The following CCDC7 variants were observed in gnomAD, a reference collection of about 807,000 sequenced individuals.
CCDC7 encodes coiled-coil domain containing 7, also known as coiled-coil domain-containing protein 7.
A neutral mutation model predicts 196.9 loss-of-function variants in CCDC7; 183 were observed. The observed-to-expected ratio is 0.93, with a 90% CI of 0.82 to 1.05. CCDC7 has a LOEUF of 1.05. Ranked by LOEUF, CCDC7 falls within the 50% of genes least tolerant of loss-of-function variation. The pLI is 0.00. For missense variants in CCDC7, 1,540 were observed against 1,482.2 expected, an observed-to-expected ratio of 1.04 and a Z score of -0.64; for synonymous variants, 525 against 484.6, an observed-to-expected ratio of 1.08 and a Z score of -1.10.
intron 18 of CCDC7, among the ~76,000 whole-genome samples, chr10:32,595,657 G>C (rs1353191388): frequency 3.3e-5 from 5 of 152,054 alleles, no homozygotes; most frequent in African/African-American, 1.2e-4. Flanking sequence ...TTAGATCTCT[G>C]CTGCTTTCTC....
At chr10:32,686,136 G>A in intron 22 of CCDC7, 56 bp downstream of exon 23, 2 of 879,460 alleles carry the variant, frequency 2.3e-6, no homozygotes, top group South Asian at 4.2e-5. Flanking sequence ...CACAGCAAAG[G>A]TATTTTTCTT....
chr10:32,661,922 C>T (rs12251853), intron 20 of CCDC7, among the ~76,000 whole-genome samples: 17,288 of 152,084 alleles, frequency 0.11, 1,175 homozygotes, highest in South Asian at 0.27. Flanking sequence ...GCTCTGAATC[C>T]GGCTCAGCAC....
exon 1 of CCDC7, chr10:32,451,743 A>C (rs1332996546): frequency 1.2e-6 from 2 of 1,614,098 alleles, no homozygotes; most frequent in African/African-American, 2.7e-5. Flanking sequence ...TTATCACCTG[A>C]GCTAAAGGAA....
At chr10:32,619,064 T>A (rs1023037170) in intron 18 of CCDC7, among the ~76,000 whole-genome samples, 2 of 151,918 alleles carry the variant, frequency 1.3e-5, no homozygotes, top group Admixed American at 6.6e-5. Flanking sequence ...TTTCCTTCAA[T>A]GATTTTTTTT....
At chr10:32,863,368 G>T (rs1264809085) in intron 41 of CCDC7, among the ~76,000 whole-genome samples, 2 of 151,854 alleles carry the variant, frequency 1.3e-5, no homozygotes, top group African/African-American at 4.8e-5. Flanking sequence ...TTTTTTTGTT[G>T]TTGAGACAGA....
rs553312978 is a variant in CCDC7 at position 32,602,228 on chromosome 10, C to G, written c.1801+17924C>G. On this transcript the variant is annotated intron_variant, in intron 18 of 41. Coordinates refer to ENST00000639629, the Ensembl canonical transcript of CCDC7. ...TGTTAACACTCACTGCGAAGGTCTGCGGCTTCACTCCTGAAGTTAGCAAGA... is the reference window on the plus strand; with the variant it reads ...TGTTAACACTCACTGCGAAGGTCTGGGGCTTCACTCCTGAAGTTAGCAAGA... Among the ~76,000 whole-genome samples the G allele has an allele frequency of 5.3e-5, 8 of 151,930 alleles. No homozygotes were observed. The East Asian group carries it at 9.7e-4, about 18-fold the overall frequency.
chr10:32,754,324 A>T (rs924488427), intron 28 of CCDC7, among the ~76,000 whole-genome samples: 1 of 152,170 alleles, frequency 6.6e-6, no homozygotes, highest in African/African-American at 2.4e-5. Context: ...AATAACTGAT[A>T]AATAAACACT....
intron 28 of CCDC7, among the ~76,000 whole-genome samples, chr10:32,739,272 G>A (rs998110530): frequency 1.5e-4 from 22 of 151,192 alleles, no homozygotes; most frequent in Admixed American, 5.3e-4. Context: ...CATTATGTAC[G>A]TATTATACCT....
intron 30 of CCDC7, among the ~76,000 whole-genome samples, chr10:32,806,396 G>C (rs971894779): frequency 6.6e-6 from 1 of 152,132 alleles, no homozygotes; most frequent in Non-Finnish European, 1.5e-5. Flanking sequence ...AACAGCTTAT[G>C]AGAATCCTAG....
intron 13 of CCDC7, among the ~76,000 whole-genome samples, chr10:32,561,796 A>G (rs1417967451): frequency 6.6e-6 from 1 of 152,234 alleles, no homozygotes; most frequent in Non-Finnish European, 1.5e-5. Flanking sequence ...GAAATAAGTA[A>G]AATCAGAGCA....
chr10:32,704,375 G>C (rs558437416), intron 24 of CCDC7, among the ~76,000 whole-genome samples: 1 of 152,216 alleles, frequency 6.6e-6, no homozygotes, highest in Admixed American at 6.5e-5. Context: ...TGGAAGTTTT[G>C]TCTTAGAGGA....
chr10:32,803,520 TAA>T (rs142811648), intron 29 of CCDC7, among the ~76,000 whole-genome samples: 2,926 of 152,280 alleles, frequency 0.019, 94 homozygotes, highest in African/African-American at 0.066. Context: ...TTTTAAAATT[TAA>T]AGTCTATTTG....
intron 8 of CCDC7, chr10:32,481,839 ACTCT>A (rs891278188): frequency 6.6e-6 from 1 of 151,294 alleles, no homozygotes; most frequent in Non-Finnish European, 1.5e-5. Flanking sequence ...ATATCTTCTT[ACTCT>A]CTCTTAGACT....
chr10:32,683,430 A>G (rs907447186), intron 21 of CCDC7, among the ~76,000 whole-genome samples: 1 of 152,078 alleles, frequency 6.6e-6, no homozygotes, highest in Non-Finnish European at 1.5e-5. Flanking sequence ...GTAGTGTGCT[A>G]TCTTGGGCTT....
chr10:32,626,366 T>C (rs1483787910), intron 18 of CCDC7, among the ~76,000 whole-genome samples: 1 of 152,066 alleles, frequency 6.6e-6, no homozygotes, highest in Admixed American at 6.6e-5. Context: ...GTGTCTTCTT[T>C]TGAAAAATGT....
At chr10:32,678,859 G>C (rs1565105631) in intron 21 of CCDC7, among the ~76,000 whole-genome samples, 1 of 152,100 alleles carries the variant, frequency 6.6e-6, no homozygotes, top group African/African-American at 2.4e-5. Context: ...CTGTGCTGTA[G>C]CCTCTCATTT....
intron 9 of CCDC7, chr10:32,512,315 A>T (rs1169182772): frequency 6.6e-6 from 1 of 152,358 alleles, no homozygotes; most frequent in African/African-American, 2.4e-5. Context: ...GAATTCCTTC[A>T]TGACATTTTT....
At chr10:32,753,516 G>A (rs1368871008) in intron 28 of CCDC7, among the ~76,000 whole-genome samples, 2 of 152,044 alleles carry the variant, frequency 1.3e-5, no homozygotes, top group Non-Finnish European at 2.9e-5. Context: ...TGGAGTAACT[G>A]CCTAAAGTCA....
intron 23 of CCDC7, among the ~76,000 whole-genome samples, chr10:32,689,976 C>G (rs893748689): frequency 6.6e-6 from 1 of 152,194 alleles, no homozygotes; most frequent in Non-Finnish European, 1.5e-5. Flanking sequence ...CTCAAATGAT[C>G]CACCCGCCTC....
Sources: allele counts gnomAD v4.1 joint callset (sites outside exome capture counted in the v4.1 genomes callset), GRCh38; gene constraint gnomAD v4.1.1; transcripts MANE v1.5; gene names NCBI Gene and HGNC (gene_info 2026-07-23, HGNC 2026-07-21).